PLIN4: variants seen among roughly 807,000 people sequenced by gnomAD.
The protein encoded by PLIN4 is perilipin-4.
Under a neutral mutation model 52.4 loss-of-function variants are expected in PLIN4, and 57 were observed. The observed-to-expected ratio is 1.09, with a 90% CI of 0.88 to 1.36. The LOEUF is 1.36. PLIN4 is among the 40% of genes most tolerant of loss of function. PLIN4 has a pLI of 0.00. For missense variants in PLIN4, 1,757 were observed against 1,770.3 expected (o/e 0.99, Z 0.13); for synonymous variants, 826 against 785.4 (o/e 1.05, Z -0.86).
chr19:4,507,849 A>C (rs181145030), intron 6 of PLIN4, among the ~76,000 whole-genome samples: 5,650 of 152,072 alleles, frequency 0.037, 224 homozygotes, highest in African/African-American at 0.094. Context: ...GGATGATCCC[A>C]CCCCAGAGCA....
intron 6 of PLIN4, among the ~76,000 whole-genome samples, chr19:4,508,114 C>T (rs780428933): frequency 1.3e-4 from 20 of 152,200 alleles, no homozygotes; most frequent in Non-Finnish European, 2.2e-4. Context: ...GCTTGCTCCC[C>T]GGTAGCTTGC....
chr19:4,516,513 C>T, intron 4 of PLIN4, 104 bp downstream of exon 4: 2 of 1,371,010 alleles, frequency 1.5e-6, no homozygotes, highest in East Asian at 5.0e-5. Context: ...ACTGAAATGT[C>T]CCAGGAGGGA....
intron 6 of PLIN4, among the ~76,000 whole-genome samples, chr19:4,507,369 C>T (rs901374524): frequency 6.6e-6 from 1 of 152,200 alleles, no homozygotes; most frequent in South Asian, 2.1e-4. Context: ...CGCAGAAGCT[C>T]AAGACCAGCC....
chr19:4,502,250 A>G lies in PLIN4; in HGVS notation c.*2209T>C, dbSNP rs1217776985. On this transcript the variant is annotated 3_prime_UTR_variant, in exon 8 of 8. Coordinates refer to ENST00000301286, the MANE Select transcript of PLIN4 (RefSeq NM_001367868.2). ...CTTGGTTTTCTAGCATTGCTGGTGC[A>G]GTGGGGGCCTGAGCTGGGGCGCAGG... is the stretch of plus-strand genomic sequence containing the variant. The G allele has an allele frequency of 5.0e-6, 3 of 601,390 alleles. No individual in the cohort carries two copies. The highest frequency in any genetic ancestry group is 3.8e-5 in the African/African-American group (2 of 53,176). The allele number at this position is 601,390 out of a possible 1,614,324, so 37.3% of individuals were successfully genotyped here. A position where few individuals can be genotyped will look rare whatever the true frequency, so the allele number is the denominator to read the frequency against.
rs749228277 is a variant in PLIN4, at chr19:4,517,592, C to T, written c.158G>A (p.Gly53Glu). ...ARARPAADPT[G>E]APAAEAAQPQ... ...TTGGGCAGCCTCGGCAGCAGGCGCT[C>T]CTGTGGGGTCAGCGGCCGGCCGGGC... Residue 53 changes from glycine to glutamate, a missense_variant, in exon 3 of 8, where the codon GGA (glycine) becomes GAA (glutamate). Gly to Glu is a moderately conservative substitution (Grantham distance 98). Coordinates refer to ENST00000301286, the MANE Select transcript of PLIN4 (RefSeq NM_001367868.2). 6.2e-7 allele frequency: 1 copy of T among 1,611,162 alleles called. No homozygotes were observed. The highest frequency in any genetic ancestry group is 8.5e-7 in the Non-Finnish European group (1 of 1,179,366).
Position 4,513,131 on chromosome 19 carries a change from C to A in PLIN4, c.829G>T (p.Gly277Cys). ...GTTCCTTTGGCCACATTCATGGCACCAGTCACCCCACTACAGACGGTGTCC... is the reference window on the plus strand; with the variant it reads ...GTTCCTTTGGCCACATTCATGGCACAAGTCACCCCACTACAGACGGTGTCC... ...TKDTVCSGVT[G>C]AMNVAKGTIQ... The change falls in exon 5 of 8, where the codon GGT (glycine) becomes TGT (cysteine). Residue 277 changes from glycine to cysteine, a missense_variant. Physicochemically the swap from Gly to Cys is radical, Grantham distance 159. Coordinates refer to ENST00000301286, the MANE Select transcript of PLIN4 (RefSeq NM_001367868.2). The A allele has an allele frequency of 2.2e-5, 8 of 370,396 alleles. 1 individual carries two copies. Among genetic ancestry groups the A allele is most frequent in the Non-Finnish European group, 2.3e-5 (5 of 214,630 alleles). The allele number at this position is 370,396 out of a possible 1,614,324, so 22.9% of individuals were successfully genotyped here. A position where few individuals can be genotyped will look rare whatever the true frequency, so the allele number is the denominator to read the frequency against.
At chr19:4,509,188 G>T (rs372149916) in intron 5 of PLIN4, among the ~76,000 whole-genome samples, 1 of 150,098 alleles carries the variant, frequency 6.7e-6, no homozygotes, top group Non-Finnish European at 1.5e-5. Flanking sequence ...GCGGGTGCCT[G>T]TAGTCCCAGC....
Position 4,504,911 on chromosome 19 carries a change from G to A in PLIN4, c.3739C>T (p.Arg1247Cys), listed in dbSNP as rs769330241. ...KAQQAPEGQP[R>C]LDQGSGASAE... Reference sequence around the variant, plus strand: ...CTGGCACCTGAGCCCTGGTCCAGACGTGGCTGCCCTTCTGGAGCCTGCTGG... The same window carrying A: ...CTGGCACCTGAGCCCTGGTCCAGACATGGCTGCCCTTCTGGAGCCTGCTGG... Residue 1247 changes from arginine (R) to cysteine (C), a missense_variant, in exon 7 of 8, where the codon CGT becomes TGT. Physicochemically the swap from Arg to Cys is radical, Grantham distance 180 (BLOSUM62 -3). Transcript: ENST00000301286. 18 of 1,607,956 alleles carry A rather than the reference G, an allele frequency of 1.1e-5. No homozygotes were observed. Among genetic ancestry groups the A allele is most frequent in the South Asian group, 2.2e-5 (2 of 89,820 alleles).
intron 6 of PLIN4, among the ~76,000 whole-genome samples, chr19:4,507,960 G>A (rs1443712205): frequency 6.6e-6 from 1 of 152,290 alleles, no homozygotes; most frequent in Admixed American, 6.5e-5. Context: ...CAGGGTGCAT[G>A]ACCCCTGGAT....
chr19:4,510,893 G>T lies in PLIN4; in HGVS notation c.3067C>A (p.Leu1023Met). ...QGGLDTTKTV[L>M]TGTKDAVSAG... ...GACACTGCGTCTTTGGTTCCGGTCAGCACTGTCTTGGTGGTGTCCAGGCCC... is the reference window on the plus strand; with the variant it reads ...GACACTGCGTCTTTGGTTCCGGTCATCACTGTCTTGGTGGTGTCCAGGCCC... Residue 1023 changes from leucine to methionine, a missense_variant, in exon 5 of 8, where the codon CTG becomes ATG. Leu to Met is a conservative substitution (Grantham distance 15, BLOSUM62 2). Coordinates refer to ENST00000301286, the MANE Select transcript of PLIN4 (RefSeq NM_001367868.2). 1 of 1,613,660 alleles carries T rather than the reference G, an allele frequency of 6.2e-7. No homozygotes were observed. Among genetic ancestry groups the T allele is most frequent in the South Asian group, 1.1e-5 (1 of 91,086 alleles).
rs760850962 is a variant in PLIN4, at chr19:4,504,770, C to A, written c.3805G>T (p.Val1269Phe). The change falls in exon 8 of 8, where the codon GTT (valine) becomes TTT (phenylalanine). Residue 1269 changes from valine (V) to phenylalanine (F), a missense_variant. Around this residue, in one of 7 missense-constraint regions of PLIN4, gnomAD observed 712 missense variants for 637.1 expected, o/e 1.12. Coordinates refer to ENST00000301286, the MANE Select transcript of PLIN4 (RefSeq NM_001367868.2). ...AAVQEERDAG[V>F]LSRVCGLLRQ... is the part of the protein sequence containing the mutation. The stretch of plus-strand genomic sequence containing the variant: ...AGAAGGCCGCAGACCCTGGACAGAA[C>A]CCCGGCATCCCGCTCCTGTGGGAGG... 6.3e-7 allele frequency: 1 copy of A among 1,599,304 alleles called. No individual in the cohort carries two copies. Among genetic ancestry groups the A allele is most frequent in the Non-Finnish European group, 8.5e-7 (1 of 1,171,964 alleles).
rs774278496 is a variant in PLIN4 at position 4,512,035 on chromosome 19, A to G, written c.1925T>C (p.Val642Ala). 168 of 1,609,692 alleles carry G rather than the reference A, an allele frequency of 1.0e-4. 1 individual carries two copies. The highest frequency in any genetic ancestry group is 1.4e-4 in the Non-Finnish European group (162 of 1,179,184). The change falls in exon 5 of 8, where the codon GTG (valine) becomes GCG (alanine). Residue 642 changes from valine (V) to alanine (A), a missense_variant. Transcript: ENST00000301286. The part of the protein sequence containing the change: ...DTIYSGVTSA[V>A]NVAKGAVQTG... ...TTGCACAGCCCCCTTGGCCACGTTC[A>G]CGGCACTGGTGACCCCACTGTAGAT...
chr19:4,510,431 C>A lies in PLIN4; in HGVS notation c.3514+15G>T. ...TGCCTGCCTCAGGGACCCATGAACC[C>A]AGGCGTCCCCTCACCTTGCTCCTCC... On this transcript the variant is annotated intron_variant, in intron 5 of 7. Coordinates refer to ENST00000301286, the MANE Select transcript of PLIN4 (RefSeq NM_001367868.2). 2 of 1,400,666 alleles carry A rather than the reference C, an allele frequency of 1.4e-6. No homozygotes were observed. The highest frequency in any genetic ancestry group is 2.5e-5 in the East Asian group (1 of 39,456). 86.8% of individuals were successfully genotyped at this position (1,400,666 alleles called of 1,614,324 possible).
At chr19:4,508,637 G>A in intron 6 of PLIN4, 131 bp downstream of exon 6, 4 of 1,054,528 alleles carry the variant, frequency 3.8e-6, no homozygotes, top group Non-Finnish European at 5.4e-6. Flanking sequence ...TGAGTACAGA[G>A]CCATGACCAT....
At chr19:4,508,280 A>G (rs1378504076) in intron 6 of PLIN4, among the ~76,000 whole-genome samples, 7 of 152,064 alleles carry the variant, frequency 4.6e-5, no homozygotes, top group East Asian at 3.9e-4. Context: ...TTTTTGAGAC[A>G]GAGTCTTGCT....
rs1231693366 is a variant in PLIN4 at position 4,504,456 on chromosome 19, C to A, written c.*3G>T. The A allele has an allele frequency of 6.4e-7, 1 of 1,563,342 alleles. No individual in the cohort carries two copies. The highest frequency in any genetic ancestry group is 1.4e-5 in the African/African-American group (1 of 74,044). The stretch of plus-strand genomic sequence containing the variant: ...CCCGCGCCGGGCCTGCAGGCTCCTA[C>A]AGCTACTGCCCGCCAGCGGGCAAGG... On this transcript the variant is annotated 3_prime_UTR_variant, in exon 8 of 8. Transcript: ENST00000301286.
At chr19:4,508,456 G>A (rs773559487) in intron 6 of PLIN4, among the ~76,000 whole-genome samples, 1 of 152,074 alleles carries the variant, frequency 6.6e-6, no homozygotes, top group Non-Finnish European at 1.5e-5. Flanking sequence ...TAGTAGAGAC[G>A]GGGTTTCTCT....
chr19:4,504,385 G>T lies in PLIN4; in HGVS notation c.*74C>A. On this transcript the variant is annotated 3_prime_UTR_variant, in exon 8 of 8. Transcript: ENST00000301286. ...GGGAACCGATCCAGGTTTGGGGGCG[G>T]GGAGAAAGTTCTGAGGCAGCTCCTC... 7.4e-7 allele frequency: 1 copy of T among 1,358,346 alleles called. No individual in the cohort carries two copies. Among genetic ancestry groups the T allele is most frequent in the Non-Finnish European group, 9.7e-7 (1 of 1,028,202 alleles). 84.1% of individuals were successfully genotyped at this position (1,358,346 alleles called of 1,614,324 possible).
intron 6 of PLIN4, among the ~76,000 whole-genome samples, chr19:4,507,102 G>A (rs139668638): frequency 1.3e-5 from 2 of 152,352 alleles, no homozygotes; most frequent in East Asian, 3.9e-4. Context: ...TCCCCTGGAG[G>A]CAGGTCATCC....
Sources: allele counts gnomAD v4.1 joint callset (sites outside exome capture counted in the v4.1 genomes callset), GRCh38; gene constraint gnomAD v4.1.1; regional missense constraint gnomAD v4.1.1; transcripts MANE v1.5; gene names NCBI Gene and HGNC (gene_info 2026-07-23, HGNC 2026-07-21).